CNTNAP2: variants seen among roughly 807,000 people sequenced by gnomAD.
CNTNAP2 encodes the protein contactin associated protein 2.
A neutral mutation model predicts 155.2 loss-of-function variants in CNTNAP2; 98 were observed. The ratio of observed to expected loss-of-function variants is 0.63; its 90% CI spans 0.54 to 0.75. CNTNAP2 has a LOEUF of 0.75. Ranked by LOEUF, CNTNAP2 falls within the 30% of genes least tolerant of loss-of-function variation. The pLI, the probability that CNTNAP2 is intolerant of heterozygous loss-of-function variation, is 0.00. For missense variants in CNTNAP2, 1,727 were observed against 1,688.1 expected, an observed-to-expected ratio of 1.02 and a Z score of -0.40; for synonymous variants, 651 against 631.2, an observed-to-expected ratio of 1.03 and a Z score of -0.47.
chr7:147,815,025 T>A (rs757060911), intron 13 of CNTNAP2, among the ~76,000 whole-genome samples: 13 of 152,022 alleles, frequency 8.6e-5, no homozygotes, highest in Non-Finnish European at 1.6e-4. Flanking sequence ...GCACCAGGGG[T>A]TGGAGGGAGA....
intron 1 of CNTNAP2, among the ~76,000 whole-genome samples, chr7:146,743,673 A>G (rs1019192823): frequency 6.6e-6 from 1 of 152,146 alleles, no homozygotes. Context: ...TTGTAATATG[A>G]CAATACACAT....
At chr7:146,952,527 C>G (rs1797339233) in intron 3 of CNTNAP2, among the ~76,000 whole-genome samples, 1 of 152,086 alleles carries the variant, frequency 6.6e-6, no homozygotes, top group South Asian at 2.1e-4. Flanking sequence ...GTTTAGGAAA[C>G]CCCATCGCCT....
At chr7:146,640,897 A>C (rs530771826) in intron 1 of CNTNAP2, among the ~76,000 whole-genome samples, 1 of 152,340 alleles carries the variant, frequency 6.6e-6, no homozygotes, top group South Asian at 2.1e-4. Flanking sequence ...AATAATAAAC[A>C]AATGTAAGGA....
At position 146,767,843 on chromosome 7, in the gene CNTNAP2, G is replaced by T. The variant is rs973488983; in HGVS notation, c.98-6428G>T. ...CTTTTGAAATAATGGAAAAACTAAG[G>T]AAACTGTGGGTAAGACAGGATTAAA... On this transcript the variant is annotated intron_variant, in intron 1 of 23. Coordinates refer to ENST00000361727, the MANE Select transcript of CNTNAP2 (RefSeq NM_014141.6). Among the ~76,000 whole-genome samples the T allele has an allele frequency of 2.6e-5, 4 of 152,178 alleles. 1 individual carries two copies. The Middle Eastern group carries it at 0.01, about 391-fold the overall frequency.
chr7:147,070,976 C>T (rs1043950697), intron 4 of CNTNAP2, among the ~76,000 whole-genome samples: 2 of 152,006 alleles, frequency 1.3e-5, no homozygotes, highest in African/African-American at 4.8e-5. Context: ...ACTCCAGGCC[C>T]AGGACCTGGG....
chr7:147,732,181 T>TCCCCCCCCCCCCCCCCCCCC (rs199519152), intron 13 of CNTNAP2, among the ~76,000 whole-genome samples: 4 of 108,532 alleles, frequency 3.7e-5, no homozygotes, highest in Non-Finnish European at 5.2e-5. Flanking sequence ...ATGCTATCCC[T>TCCCCCCCCCCCCCCCCCCCC]CCCCCCCCCA....
chr7:147,861,349 G>C (rs189051729), intron 13 of CNTNAP2, among the ~76,000 whole-genome samples: 11 of 151,148 alleles, frequency 7.3e-5, no homozygotes, highest in Non-Finnish European at 1.5e-4. Context: ...AGATAAATAA[G>C]ACCTAGCCCA....
At chr7:147,850,870 T>G (rs370758084) in intron 13 of CNTNAP2, among the ~76,000 whole-genome samples, 1 of 152,254 alleles carries the variant, frequency 6.6e-6, no homozygotes, top group South Asian at 2.1e-4. Context: ...GGGCAAGGAC[T>G]TCATGTCTAA....
chr7:146,185,221 T>TA (rs1407627334), intron 1 of CNTNAP2, among the ~76,000 whole-genome samples: 2 of 151,932 alleles, frequency 1.3e-5, no homozygotes, highest in African/African-American at 2.4e-5. Flanking sequence ...GAAAGAAGAT[T>TA]AAAAAACACA....
intron 13 of CNTNAP2, among the ~76,000 whole-genome samples, chr7:147,757,462 G>A (rs1170444531): frequency 2.0e-5 from 3 of 152,074 alleles, no homozygotes; most frequent in Non-Finnish European, 4.4e-5. Flanking sequence ...AGTCATTTCA[G>A]ATCTACAGGT....
At chr7:147,443,229 C>G (rs1196801201) in intron 10 of CNTNAP2, among the ~76,000 whole-genome samples, 1 of 152,164 alleles carries the variant, frequency 6.6e-6, no homozygotes, top group East Asian at 1.9e-4. Context: ...CTGGCTAATG[C>G]TGGTTTAAAT....
At chr7:147,961,088 T>C (rs12673919) in intron 14 of CNTNAP2, among the ~76,000 whole-genome samples, 43,673 of 151,904 alleles carry the variant, frequency 0.29, 7,462 homozygotes, top group East Asian at 0.57. Context: ...TACAATTCTG[T>C]CTCCCCTCAC....
At chr7:147,685,663 AC>A (rs1796007845) in intron 13 of CNTNAP2, among the ~76,000 whole-genome samples, 1 of 152,038 alleles carries the variant, frequency 6.6e-6, no homozygotes, top group African/African-American at 2.4e-5. Flanking sequence ...GAATAAAAAA[AC>A]AGAAACGTAT....
At chr7:148,212,172 G>A (rs1795563271) in intron 18 of CNTNAP2, among the ~76,000 whole-genome samples, 2 of 151,700 alleles carry the variant, frequency 1.3e-5, no homozygotes, top group African/African-American at 4.8e-5. Context: ...GTAAGCCTCG[G>A]GGATTTGGTT....
chr7:147,759,018 T>C (rs1797259286), intron 13 of CNTNAP2, among the ~76,000 whole-genome samples: 1 of 152,192 alleles, frequency 6.6e-6, no homozygotes, highest in Non-Finnish European at 1.5e-5. Flanking sequence ...GTATATTTTA[T>C]TACCTTATTT....
chr7:147,758,837 A>G (rs897988106), intron 13 of CNTNAP2, among the ~76,000 whole-genome samples: 1 of 152,112 alleles, frequency 6.6e-6, no homozygotes, highest in African/African-American at 2.4e-5. Flanking sequence ...AGAGTGAGAC[A>G]CTGTCTCAAA....
At chr7:147,038,053 G>A (rs1027775407) in intron 3 of CNTNAP2, among the ~76,000 whole-genome samples, 39 of 152,252 alleles carry the variant, frequency 2.6e-4, no homozygotes, top group African/African-American at 7.9e-4. Context: ...TACTCAGGAG[G>A]CTAAGGTGGG....
intron 3 of CNTNAP2, among the ~76,000 whole-genome samples, chr7:146,902,954 T>G (rs1206147921): frequency 6.6e-6 from 1 of 152,202 alleles, no homozygotes; most frequent in Non-Finnish European, 1.5e-5. Context: ...ACTCAGTGAC[T>G]GGTCAGAACT....
At chr7:146,404,018 G>A (rs896173691) in intron 1 of CNTNAP2, among the ~76,000 whole-genome samples, 3 of 149,704 alleles carry the variant, frequency 2.0e-5, no homozygotes, top group African/African-American at 7.4e-5. Context: ...CCAGCTACTT[G>A]GGAGGCTGAG....
Sources: allele counts gnomAD v4.1 joint callset (sites outside exome capture counted in the v4.1 genomes callset), GRCh38; gene constraint gnomAD v4.1.1; transcripts MANE v1.5; gene names NCBI Gene and HGNC (gene_info 2026-07-23, HGNC 2026-07-21).